The following ADGRL3 variants were observed in gnomAD, a reference collection of about 807,000 sequenced individuals.
ADGRL3 encodes the protein adhesion G protein-coupled receptor L3, also known as calcium-independent alpha-latrotoxin receptor 3.
A neutral mutation model predicts 153.5 loss-of-function variants in ADGRL3; 62 were observed. The ratio of observed to expected loss-of-function variants is 0.40; its 90% CI spans 0.33 to 0.50. The LOEUF is 0.50. Among genes scored for constraint, ADGRL3 ranks in the 20% least tolerant of loss-of-function variants. The pLI, the probability that ADGRL3 is intolerant of heterozygous loss-of-function variation, is 0.47. For synonymous variants in ADGRL3, 710 were observed against 672.5 expected, an observed-to-expected ratio of 1.06 and a Z score of -0.86; for missense variants, 1,641 against 1,859.4, an observed-to-expected ratio of 0.88 and a Z score of 2.16.
intron 8 of ADGRL3, among the ~76,000 whole-genome samples, chr4:61,772,142 C>T (rs1340424243): frequency 6.6e-6 from 1 of 152,162 alleles, no homozygotes; most frequent in African/African-American, 2.4e-5. Context: ...TCACTGAGTA[C>T]TTAGAACCAA....
chr4:62,070,394 A>T lies in ADGRL3; in HGVS notation c.4118A>T (p.Asp1373Val), dbSNP rs1745224093. 6 of 1,552,128 alleles carry T rather than the reference A, an allele frequency of 3.9e-6. No homozygotes were observed. Among genetic ancestry groups the T allele is most frequent in the Non-Finnish European group, 4.4e-6 (5 of 1,147,086 alleles). Residue 1373 changes from aspartate to valine, a missense_variant, in exon 27 of 27, where the codon GAT becomes GTT. This residue lies in a region of ADGRL3 where 517 missense variants were observed against 555.0 expected (regional missense o/e 0.93). Coordinates refer to ENST00000683033, the MANE Select transcript of ADGRL3 (RefSeq NM_001387552.1). Reference protein sequence around the residue: ...LVNNLGSGREDDAIVLDDATS... With the variant: ...LVNNLGSGREVDAIVLDDATS... ...AATAACCTTGGCAGTGGAAGGGAAG[A>T]TGATGCCATTGTCCTGGATGATGCC...
intron 13 of ADGRL3, among the ~76,000 whole-genome samples, chr4:61,925,768 C>T (rs1682954259): frequency 6.6e-6 from 1 of 152,162 alleles, no homozygotes; most frequent in Admixed American, 6.6e-5. Flanking sequence ...CCAGGCCCCA[C>T]CTCCAACACT....
chr4:61,329,830 T>C (rs765212572), intron 1 of ADGRL3, among the ~76,000 whole-genome samples: 2 of 152,186 alleles, frequency 1.3e-5, no homozygotes, highest in Admixed American at 6.5e-5. Flanking sequence ...TATTCAAAGA[T>C]TATTGTCAGA....
At chr4:61,787,634 T>A (rs2097293014) in intron 8 of ADGRL3, among the ~76,000 whole-genome samples, 1 of 152,148 alleles carries the variant, frequency 6.6e-6, no homozygotes, top group Non-Finnish European at 1.5e-5. Context: ...TGAAACCTTG[T>A]CAGAACTATT....
At chr4:61,418,109 C>T (rs1163062868) in intron 2 of ADGRL3, among the ~76,000 whole-genome samples, 1 of 152,150 alleles carries the variant, frequency 6.6e-6, no homozygotes, top group Non-Finnish European at 1.5e-5. Flanking sequence ...TTTCGGTGCT[C>T]TCGCTAGAGA....
At chr4:61,416,713 C>G (rs1027714718) in intron 2 of ADGRL3, among the ~76,000 whole-genome samples, 4 of 152,052 alleles carry the variant, frequency 2.6e-5, no homozygotes, top group African/African-American at 9.7e-5. Context: ...TGGTGCCCAA[C>G]CTTTTTGGCA....
intron 1 of ADGRL3, among the ~76,000 whole-genome samples, chr4:61,317,162 C>T (rs1181098295): frequency 2.0e-5 from 3 of 152,100 alleles, no homozygotes; most frequent in Non-Finnish European, 4.4e-5. Flanking sequence ...ACTTTGGTCA[C>T]TTTTGTGTGA....
At chr4:61,759,569 C>T (rs1465271350) in intron 8 of ADGRL3, among the ~76,000 whole-genome samples, 3 of 152,038 alleles carry the variant, frequency 2.0e-5, no homozygotes, top group African/African-American at 7.2e-5. Context: ...GTTAGCCATT[C>T]GTCTAATTTT....
At chr4:61,885,309 C>G (rs2098532073) in intron 9 of ADGRL3, among the ~76,000 whole-genome samples, 1 of 151,966 alleles carries the variant, frequency 6.6e-6, no homozygotes, top group African/African-American at 2.4e-5. Flanking sequence ...GCCTGGGCAA[C>G]AAGAGTGAAA....
intron 2 of ADGRL3, among the ~76,000 whole-genome samples, chr4:61,434,000 G>T (rs566381180): frequency 3.6e-4 from 55 of 152,118 alleles, no homozygotes; most frequent in Admixed American, 1.8e-3. Context: ...TGTCTTAAAT[G>T]GATTCAGTTT....
chr4:61,846,197 G>T (rs937581696), intron 9 of ADGRL3, among the ~76,000 whole-genome samples: 1 of 151,772 alleles, frequency 6.6e-6, no homozygotes, highest in Admixed American at 6.6e-5. Context: ...CACACTTGTA[G>T]TCCTAGCTAC....
At chr4:61,245,175 G>C (rs1756548460) in intron 1 of ADGRL3, among the ~76,000 whole-genome samples, 1 of 151,912 alleles carries the variant, frequency 6.6e-6, no homozygotes, top group East Asian at 1.9e-4. Flanking sequence ...GACTGTCAAG[G>C]ACAGCTGAAG....
intron 21 of ADGRL3, among the ~76,000 whole-genome samples, chr4:62,001,031 G>A (rs895860713): frequency 1.3e-4 from 20 of 151,990 alleles, no homozygotes; most frequent in Non-Finnish European, 2.1e-4. Context: ...CTATCCTTCC[G>A]CTTCAGCCTC....
At chr4:61,280,052 A>T (rs940437621) in intron 1 of ADGRL3, among the ~76,000 whole-genome samples, 6 of 151,554 alleles carry the variant, frequency 4.0e-5, no homozygotes, top group Admixed American at 3.9e-4. Flanking sequence ...ATACAAACCC[A>T]GGCAGTTTAT....
intron 5 of ADGRL3, among the ~76,000 whole-genome samples, chr4:61,595,631 G>T (rs2098985891): frequency 6.6e-6 from 1 of 152,160 alleles, no homozygotes; most frequent in Non-Finnish European, 1.5e-5. Context: ...TGGGGTTAGA[G>T]GAGTGATGGC....
At chr4:61,927,112 G>T (rs910379123) in intron 13 of ADGRL3, among the ~76,000 whole-genome samples, 2 of 152,048 alleles carry the variant, frequency 1.3e-5, no homozygotes, top group Non-Finnish European at 1.5e-5. Context: ...TCACTATATT[G>T]CCATTACCTT....
At chr4:61,432,631 T>TTTC (rs2097379206) in intron 2 of ADGRL3, among the ~76,000 whole-genome samples, 2 of 84,300 alleles carry the variant, frequency 2.4e-5, no homozygotes, top group South Asian at 5.3e-4. Context: ...TCTTTCTTTC[T>TTTC]TTCTTTCTTT....
chr4:61,379,117 T>C (rs975914416), intron 1 of ADGRL3, among the ~76,000 whole-genome samples: 2 of 151,950 alleles, frequency 1.3e-5, no homozygotes, highest in African/African-American at 2.4e-5. Flanking sequence ...TGGCACAAGA[T>C]GATGCTTATC....
chr4:61,768,572 A>C (rs757984884), intron 8 of ADGRL3, among the ~76,000 whole-genome samples: 11 of 152,126 alleles, frequency 7.2e-5, no homozygotes, highest in Non-Finnish European at 1.2e-4. Context: ...AGGGTGGAAA[A>C]ATTGAAAGTG....
Sources: gnomAD v4.1 joint callset for allele counts (sites outside exome capture counted in the v4.1 genomes callset) on GRCh38, gnomAD v4.1.1 for gene constraint, gnomAD v4.1.1 regional missense constraint, MANE v1.5 for transcripts, NCBI Gene and HGNC (gene_info 2026-07-23, HGNC 2026-07-21) for gene names.